The following CALN1 variants were observed in gnomAD, a reference collection of about 807,000 sequenced individuals.
CALN1 encodes the protein calcium-binding protein 8.
Under a neutral mutation model 30.6 loss-of-function variants are expected in CALN1, and 17 were observed. The observed-to-expected ratio is 0.56, with a 90% CI of 0.38 to 0.83. CALN1 has a LOEUF of 0.83. Among genes scored for constraint, CALN1 ranks in the 40% least tolerant of loss-of-function variants. CALN1 has a pLI of 0.00. For missense variants in CALN1, 291 were observed against 354.9 expected, an observed-to-expected ratio of 0.82 and a Z score of 1.45; for synonymous variants, 156 against 131.4, an observed-to-expected ratio of 1.19 and a Z score of -1.28.
chr7:72,157,872 T>C (rs1049010827), intron 3 of CALN1, among the ~76,000 whole-genome samples: 2 of 152,116 alleles, frequency 1.3e-5, no homozygotes, highest in African/African-American at 4.8e-5. Flanking sequence ...GCCTCCAGAG[T>C]AGCTGGGATT....
chr7:72,117,475 A>G (rs900284652), intron 3 of CALN1, among the ~76,000 whole-genome samples: 3 of 152,134 alleles, frequency 2.0e-5, no homozygotes, highest in African/African-American at 7.2e-5. Flanking sequence ...TTTTAATCTT[A>G]ATGCTGGTCA....
chr7:72,193,203 AG>A (rs1207707376), intron 3 of CALN1, among the ~76,000 whole-genome samples: 62 of 148,316 alleles, frequency 4.2e-4, no homozygotes, highest in Non-Finnish European at 3.0e-4. Context: ...AAAAGAAAAG[AG>A]AAAAAAAAAA....
At position 72,308,373 on chromosome 7, in the gene CALN1, GAGAGA is replaced by G. The variant is rs1344987487; in HGVS notation, c.120-29568_120-29564del. 9.2e-3 allele frequency among the ~76,000 whole-genome samples: 170 copies of G among 18,452 alleles called. 1 individual carries two copies. Among genetic ancestry groups the G allele is most frequent in the Middle Eastern group, 0.059 (2 of 34 alleles). 12.1% of individuals were successfully genotyped at this position (18,452 alleles called of 152,430 possible). A position where few individuals can be genotyped will look rare whatever the true frequency, so the allele number is the denominator to read the frequency against. On this transcript the variant is annotated intron_variant, in intron 2 of 6. Coordinates refer to ENST00000395275, the MANE Select transcript of CALN1 (RefSeq NM_031468.4). Reference sequence around the variant, plus strand: ...AGTGAGATGCTGTCTGTGGGGGGGGGAGAGAGAGAGAGAGAGAGAGAGAGAGAGAG... The same window carrying G: ...AGTGAGATGCTGTCTGTGGGGGGGGGGAGAGAGAGAGAGAGAGAGAGAGAG...
chr7:71,831,042 C>A (rs934026853), intron 5 of CALN1, among the ~76,000 whole-genome samples: 1 of 152,040 alleles, frequency 6.6e-6, no homozygotes, highest in South Asian at 2.1e-4. Flanking sequence ...CCTCCTCATG[C>A]ACATAAATGC....
chr7:72,468,055 T>C, the CALN1 span, among the ~76,000 whole-genome samples: 2 of 152,244 alleles, frequency 1.3e-5, no homozygotes, highest in African/African-American at 2.4e-5. Context: ...GGTCCATCCA[T>C]GTTGTTGCAT....
At chr7:72,401,464 C>T (rs1298623073) in intron 2 of CALN1, among the ~76,000 whole-genome samples, 1 of 152,190 alleles carries the variant, frequency 6.6e-6, no homozygotes, top group East Asian at 1.9e-4. Flanking sequence ...ATAACAAAAA[C>T]AGAAACATGT....
At chr7:72,454,011 T>A in the CALN1 span, among the ~76,000 whole-genome samples, 5 of 151,762 alleles carry the variant, frequency 3.3e-5, no homozygotes, top group Non-Finnish European at 7.4e-5. Context: ...TATATATATA[T>A]ATTCATGGGC....
intron 1 of CALN1, among the ~76,000 whole-genome samples, chr7:72,442,162 G>C (rs912685440): frequency 6.6e-6 from 1 of 152,014 alleles, no homozygotes; most frequent in Non-Finnish European, 1.5e-5. Context: ...GTACCCCACT[G>C]GCCAGCCACC....
In CALN1 at chr7:72,278,670, A is replaced by G. The variant is rs1483606322; in HGVS notation, c.244+16T>C. 2.5e-6 allele frequency: 4 copies of G among 1,600,400 alleles called. No homozygotes were observed. The highest frequency in any genetic ancestry group is 3.4e-6 in the Non-Finnish European group (4 of 1,168,858). On this transcript the variant is annotated intron_variant, in intron 3 of 6. Transcript: ENST00000395275. Reference sequence around the variant, plus strand: ...TGGGAGGGGGGCCATCCCCCCAAACAGGGTAGGCTCCTTACCATCGAGCTC... The same window carrying G: ...TGGGAGGGGGGCCATCCCCCCAAACGGGGTAGGCTCCTTACCATCGAGCTC...
chr7:72,394,057 GA>G (rs1349887534), intron 2 of CALN1, among the ~76,000 whole-genome samples: 6 of 152,202 alleles, frequency 3.9e-5, no homozygotes, highest in African/African-American at 1.2e-4. Flanking sequence ...CCAAGAAGAT[GA>G]AAAAGTGATC....
chr7:72,122,278 G>A (rs1563076958), intron 3 of CALN1, among the ~76,000 whole-genome samples: 1 of 152,188 alleles, frequency 6.6e-6, no homozygotes, highest in Non-Finnish European at 1.5e-5. Flanking sequence ...CTTGGCATCT[G>A]AGGAAACAAA....
At position 71,784,998 on chromosome 7, in the gene CALN1, G is replaced by C. The variant is rs1446191288; in HGVS notation, c.*2777C>G. 2.5e-6 allele frequency: 1 copy of C among 396,678 alleles called. No individual in the cohort carries two copies. Among genetic ancestry groups the C allele is most frequent in the Non-Finnish European group, 4.4e-6 (1 of 225,354 alleles). 24.6% of individuals were successfully genotyped at this position (396,678 alleles called of 1,614,324 possible). On this transcript the variant is annotated 3_prime_UTR_variant, in exon 7 of 7. Coordinates refer to ENST00000395275, the MANE Select transcript of CALN1 (RefSeq NM_031468.4). ...ACCCAAGACAAACTGTCCAAGCAAA[G>C]CAGCCAGGGTGCAAGTCACCGGGAC... is the stretch of plus-strand genomic sequence containing the variant.
intron 2 of CALN1, among the ~76,000 whole-genome samples, chr7:72,402,154 G>A (rs374636198): frequency 6.8e-6 from 1 of 145,994 alleles, no homozygotes; most frequent in African/African-American, 2.8e-5. Context: ...CAGAGGCTAA[G>A]AGAGTGGCTT....
chr7:72,012,283 C>T (rs1584741689), intron 5 of CALN1, among the ~76,000 whole-genome samples: 2 of 152,094 alleles, frequency 1.3e-5, no homozygotes, highest in South Asian at 2.1e-4. Flanking sequence ...TTTGGGAGGC[C>T]GAGGCAGGCG....
intron 2 of CALN1, among the ~76,000 whole-genome samples, chr7:72,323,027 A>G (rs1478848210): frequency 1.3e-5 from 2 of 151,736 alleles, no homozygotes; most frequent in Non-Finnish European, 2.9e-5. Flanking sequence ...AAGGCACGCA[A>G]AAAAACCAAT....
chr7:72,191,652 G>T (rs1240279957), intron 3 of CALN1, among the ~76,000 whole-genome samples: 2 of 151,880 alleles, frequency 1.3e-5, no homozygotes, highest in African/African-American at 4.8e-5. Flanking sequence ...CATGAGGCTG[G>T]TCAAATCAGG....
chr7:72,075,974 G>A (rs6460703), intron 4 of CALN1, among the ~76,000 whole-genome samples: 36,822 of 151,950 alleles, frequency 0.24, 4,709 homozygotes, highest in Middle Eastern at 0.29. Context: ...GGGGGTGTCA[G>A]GAGGAGAGGA....
At chr7:72,317,062 G>GAGAGACAC (rs1554367020) in intron 2 of CALN1, among the ~76,000 whole-genome samples, 1 of 98,490 alleles carries the variant, frequency 1.0e-5, no homozygotes, top group Non-Finnish European at 2.0e-5. Context: ...AAGAGAGAGA[G>GAGAGACAC]AGAAAGAGAG....
chr7:72,390,366 G>A (rs1057193175), intron 2 of CALN1, among the ~76,000 whole-genome samples: 1 of 152,112 alleles, frequency 6.6e-6, no homozygotes, highest in Non-Finnish European at 1.5e-5. Context: ...GGGAGGCAGA[G>A]GTTGTAGTGA....
Sources: gnomAD v4.1 joint callset for allele counts (sites outside exome capture counted in the v4.1 genomes callset) on GRCh38, gnomAD v4.1.1 for gene constraint, MANE v1.5 for transcripts, NCBI Gene and HGNC (gene_info 2026-07-23, HGNC 2026-07-21) for gene names.